EDRF1: variants seen among roughly 807,000 people sequenced by gnomAD.
The protein encoded by EDRF1 is erythroid differentiation-related factor 1.
A neutral mutation model predicts 148.7 loss-of-function variants in EDRF1; 69 were observed. The observed-to-expected ratio is 0.46, with a 90% CI of 0.38 to 0.57. The LOEUF (loss-of-function observed/expected upper bound fraction) is 0.57, where lower values mean the gene tolerates loss of function less well. Among genes scored for constraint, EDRF1 ranks in the 20% least tolerant of loss-of-function variants. The pLI is 0.00. For synonymous variants in EDRF1, 515 were observed against 532.8 expected (o/e 0.97, Z 0.46); for missense variants, 1,118 against 1,478.7 (o/e 0.76, Z 4.00).
chr10:125,750,051 G>A (rs1318568638), intron 22 of EDRF1, among the ~76,000 whole-genome samples: 2 of 152,148 alleles, frequency 1.3e-5, no homozygotes, highest in African/African-American at 4.8e-5. Context: ...TGAGGTGGGA[G>A]AATCACTTGA....
At chr10:125,749,755 GTATTAGAT>G in intron 22 of EDRF1, 190 bp downstream of exon 22, 1 of 658,974 alleles carries the variant, frequency 1.5e-6, no homozygotes, top group Non-Finnish European at 2.6e-6. Flanking sequence ...TTAGAGGAAT[GTATTAGAT>G]TATGTTCAGT....
chr10:125,741,287 A>C, intron 17 of EDRF1, 86 bp downstream of exon 17: 1 of 1,189,944 alleles, frequency 8.4e-7, no homozygotes, highest in South Asian at 1.3e-5. Flanking sequence ...AAAGGGGTAG[A>C]AATATTAGAG....
intron 2 of EDRF1, among the ~76,000 whole-genome samples, chr10:125,722,528 G>T (rs1458240507): frequency 6.6e-6 from 1 of 152,134 alleles, no homozygotes; most frequent in African/African-American, 2.4e-5. Flanking sequence ...TGTGCTTCAG[G>T]TGGTACGTGG....
intron 18 of EDRF1, chr10:125,745,463 C>G: frequency 1.8e-6 from 1 of 548,572 alleles, no homozygotes; most frequent in Non-Finnish European, 3.3e-6. Flanking sequence ...TTTAAAGGAC[C>G]TGTCCTAAAT....
chr10:125,755,576 C>G (rs1849866298), intron 24 of EDRF1, among the ~76,000 whole-genome samples: 1 of 152,122 alleles, frequency 6.6e-6, no homozygotes, highest in African/African-American at 2.4e-5. Context: ...GGTACTATGT[C>G]TTCATTAAAC....
rs757395999 is a variant in EDRF1 at position 125,735,923 on chromosome 10, T to C, written c.1758+19T>C. On this transcript the variant is annotated intron_variant, in intron 13 of 24. Coordinates refer to ENST00000356792, the MANE Select transcript of EDRF1 (RefSeq NM_001202438.2). The stretch of plus-strand genomic sequence containing the variant: ...AATCAGAGTAAGCCTTTAGAATTTA[T>C]ATTAAATTTTTATCAAGGAAACATA... 1.9e-6 allele frequency: 3 copies of C among 1,579,500 alleles called. No homozygotes were observed. In the East Asian group the frequency reaches 6.7e-5, roughly 35 times the overall value.
intron 11 of EDRF1, 138 bp downstream of exon 11, chr10:125,733,881 T>C: frequency 1.1e-6 from 1 of 896,570 alleles, no homozygotes; most frequent in Non-Finnish European, 1.8e-6. Flanking sequence ...GTACACATTG[T>C]ACCAAATATT....
At position 125,721,345 on chromosome 10, in the gene EDRF1, A is replaced by T. The variant is rs1036342162; in HGVS notation, c.250A>T (p.Ser84Cys). The stretch of plus-strand genomic sequence containing the variant: ...CCCACCTGCCAACTGGTTACGAGAG[A>T]GTGCCAAACTAGGGCCAGCAGGAAC... Reference protein sequence around the residue: ...KLPPANWLRESAKLGPAGTTI... With the variant: ...KLPPANWLRECAKLGPAGTTI... The change falls in exon 2 of 25, where the codon AGT becomes TGT. Residue 84 changes from serine (S) to cysteine (C), a missense_variant. Ser to Cys is a moderately radical substitution (Grantham distance 112). Transcript: ENST00000356792. 1.2e-6 allele frequency: 2 copies of T among 1,614,116 alleles called. No homozygotes were observed. The highest frequency in any genetic ancestry group is 2.7e-5 in the African/African-American group (2 of 74,944).
intron 16 of EDRF1, 61 bp downstream of exon 16, chr10:125,740,712 C>T: frequency 6.5e-7 from 1 of 1,538,244 alleles, no homozygotes; most frequent in Non-Finnish European, 8.9e-7. Context: ...GAGAAGGCAT[C>T]TGAATCACAG....
At chr10:125,737,058 T>C (rs1446269358) in intron 13 of EDRF1, among the ~76,000 whole-genome samples, 3 of 152,154 alleles carry the variant, frequency 2.0e-5, no homozygotes, top group East Asian at 1.9e-4. Flanking sequence ...AGTCATTAAC[T>C]GTCCATCTAA....
Position 125,747,711 on chromosome 10 carries a change from G to C in EDRF1, c.2973+17G>C. ...CAGGAGCAGGTGATAATATTTGCTG[G>C]AGTATAAAATAAGTTCTCAATCTAA... On this transcript the variant is annotated intron_variant, in intron 20 of 24. Transcript: ENST00000356792. The C allele has an allele frequency of 6.2e-7, 1 of 1,613,976 alleles. No individual in the cohort carries two copies. The highest frequency in any genetic ancestry group is 8.5e-7 in the Non-Finnish European group (1 of 1,179,888).
At chr10:125,749,295 C>A in intron 21 of EDRF1, 117 bp from the exon 22 acceptor site, 1 of 1,173,992 alleles carries the variant, frequency 8.5e-7, no homozygotes, top group Non-Finnish European at 1.3e-6. Flanking sequence ...AATATAAAAG[C>A]TAAAACTAAT....
intron 24 of EDRF1, among the ~76,000 whole-genome samples, chr10:125,762,731 G>GAATCCATGTTTA (rs1850247226): frequency 6.6e-6 from 1 of 152,134 alleles, no homozygotes; most frequent in African/African-American, 2.4e-5. Context: ...TGTAATTCAG[G>GAATCCATGTTTA]AATCCATGTT....
At chr10:125,737,803 T>G in intron 13 of EDRF1, 115 bp from the exon 14 acceptor site, 1 of 1,044,720 alleles carries the variant, frequency 9.6e-7, no homozygotes, top group Non-Finnish European at 1.5e-6. Context: ...TTGTAGGATC[T>G]TTTTAAGCAA....
At chr10:125,746,539 TA>T (rs1849364555) in intron 19 of EDRF1, among the ~76,000 whole-genome samples, 1 of 152,274 alleles carries the variant, frequency 6.6e-6, no homozygotes, top group East Asian at 1.9e-4. Context: ...TTAAAAAAAG[TA>T]AATGGCTAAT....
In EDRF1 at chr10:125,763,459, ATGCCGTTCAGTGACTGCACAGAGCCGTG is replaced by A. The variant is rs1564759597; in HGVS notation, c.3706_*16del. The A allele has an allele frequency of 6.2e-7, 1 of 1,607,646 alleles. No individual in the cohort carries two copies. The highest frequency in any genetic ancestry group is 1.1e-5 in the South Asian group (1 of 91,086). On this transcript the variant is annotated stop_lost and 3_prime_UTR_variant, in exon 25 of 25. Coordinates refer to ENST00000356792, the MANE Select transcript of EDRF1 (RefSeq NM_001202438.2). The surrounding 1 kb of genome is among the most constrained non-coding windows in gnomAD (Gnocchi z 4.3). ...GCCGCCGGCAGTGCAGCGAGCAGCA[ATGCCGTTCAGTGACTGCACAGAGCCGTG>A]TCCCAGACACGCTGTCAGTGCCTTC...
chr10:125,756,726 C>CT, intron 24 of EDRF1: 3 of 358,814 alleles, frequency 8.4e-6, no homozygotes, highest in Admixed American at 4.1e-5. Context: ...TGGTTAATGT[C>CT]TTTTTTTGTA....
intron 24 of EDRF1, among the ~76,000 whole-genome samples, chr10:125,756,345 T>C (rs1034932757): frequency 6.6e-6 from 1 of 152,222 alleles, no homozygotes; most frequent in Non-Finnish European, 1.5e-5. Flanking sequence ...ATTTGTTTTA[T>C]GGCCTAGAAT....
intron 9 of EDRF1, among the ~76,000 whole-genome samples, chr10:125,732,490 A>AT (rs886299121): frequency 6.6e-6 from 1 of 152,192 alleles, no homozygotes; most frequent in Non-Finnish European, 1.5e-5. Context: ...ATCTGCCTAG[A>AT]TACTGTCAGA....
Sources: allele counts gnomAD v4.1 joint callset (sites outside exome capture counted in the v4.1 genomes callset), GRCh38; gene constraint gnomAD v4.1.1; non-coding constraint Gnocchi (gnomAD v3.1); transcripts MANE v1.5; gene names NCBI Gene and HGNC (gene_info 2026-07-23, HGNC 2026-07-21).